The following NR5A2 variants were observed in gnomAD, a reference collection of about 807,000 sequenced individuals.
NR5A2 encodes the protein CYP7A promoter-binding factor.
Under a neutral mutation model 62.7 loss-of-function variants are expected in NR5A2, and 26 were observed. The observed-to-expected ratio is 0.41, with a 90% CI of 0.30 to 0.58. The LOEUF (loss-of-function observed/expected upper bound fraction) is 0.58. Among genes scored for constraint, NR5A2 ranks in the 20% least tolerant of loss-of-function variants. NR5A2 has a pLI of 0.22. For missense variants in NR5A2, 541 were observed against 669.1 expected (o/e 0.81, Z 2.11); for synonymous variants, 246 against 241.7 (o/e 1.02, Z -0.16).
At chr1:200,071,853 AT>A (rs1018234881) in intron 5 of NR5A2, among the ~76,000 whole-genome samples, 8 of 152,146 alleles carry the variant, frequency 5.3e-5, no homozygotes, top group African/African-American at 1.2e-4. Context: ...TATTTAGCAG[AT>A]TTTTTTTATT....
intron 5 of NR5A2, among the ~76,000 whole-genome samples, chr1:200,080,357 T>G (rs1010267256): frequency 5.3e-5 from 8 of 152,200 alleles, no homozygotes; most frequent in Non-Finnish European, 1.0e-4. Context: ...GACTTAATAT[T>G]CATGAAAATA....
chr1:200,171,841 T>C (rs1171965266), intron 7 of NR5A2, among the ~76,000 whole-genome samples: 1 of 152,236 alleles, frequency 6.6e-6, no homozygotes, highest in East Asian at 1.9e-4. Flanking sequence ...CCAAAACTTA[T>C]GATCTAGCCT....
At chr1:200,072,180 G>T (rs1427080302) in intron 5 of NR5A2, among the ~76,000 whole-genome samples, 1 of 152,008 alleles carries the variant, frequency 6.6e-6, no homozygotes, top group African/African-American at 2.4e-5. Flanking sequence ...TCTAATACTG[G>T]GAAACCCTAT....
chr1:200,147,469 T>A lies in NR5A2; in HGVS notation c.1379-26494T>A. ...CTCCTCCAGTACACGGAGAGCTCTT[T>A]GAGGCAAGGGACAATTTGATCTGTT... On this transcript the variant is annotated intron_variant, in intron 7 of 7. Transcript: ENST00000367362. This position sits in a 1 kb window ranked among gnomAD's most constrained non-coding sequence, Gnocchi z 4.9. 1.7e-6 allele frequency: 1 copy of A among 594,778 alleles called. No individual in the cohort carries two copies. Among genetic ancestry groups the A allele is most frequent in the Non-Finnish European group, 3.2e-6 (1 of 309,154 alleles). The allele number at this position is 594,778 out of a possible 1,614,324, so 36.8% of individuals were successfully genotyped here.
intron 7 of NR5A2, among the ~76,000 whole-genome samples, chr1:200,135,521 CAAAA>C (rs565158746): frequency 1.9e-5 from 2 of 103,286 alleles, no homozygotes; most frequent in Non-Finnish European, 4.2e-5. Context: ...ACTTCATCTC[CAAAA>C]AAAAAAAAAG....
At chr1:200,138,437 A>G (rs1667318932) in intron 7 of NR5A2, among the ~76,000 whole-genome samples, 3 of 152,148 alleles carry the variant, frequency 2.0e-5, no homozygotes, top group Admixed American at 6.5e-5. Context: ...CTGTTTATCA[A>G]TGTTTTTCCA....
intron 1 of NR5A2, among the ~76,000 whole-genome samples, chr1:200,036,045 A>G (rs2102138599): frequency 6.6e-6 from 1 of 152,264 alleles, no homozygotes; most frequent in Admixed American, 6.5e-5. Context: ...GTACAGTGGC[A>G]GTTGCTAAGA....
chr1:200,050,720 G>A (rs1456462106), intron 5 of NR5A2, among the ~76,000 whole-genome samples: 26 of 152,180 alleles, frequency 1.7e-4, no homozygotes, highest in Admixed American at 1.1e-3. Context: ...GAGAAACCCC[G>A]TCTCTACTAA....
intron 7 of NR5A2, among the ~76,000 whole-genome samples, chr1:200,165,428 G>A (rs149242726): frequency 2.6e-4 from 40 of 152,312 alleles, no homozygotes; most frequent in African/African-American, 9.4e-4. Flanking sequence ...TTGGACACAC[G>A]TAATGACATG....
intron 1 of NR5A2, among the ~76,000 whole-genome samples, chr1:200,031,114 G>A (rs1403536604): frequency 6.6e-6 from 1 of 152,156 alleles, no homozygotes; most frequent in East Asian, 1.9e-4. Context: ...CTAAACTCTA[G>A]AGCCTCCCTT....
intron 7 of NR5A2, among the ~76,000 whole-genome samples, chr1:200,155,431 C>A (rs530146916): frequency 1.3e-5 from 2 of 152,260 alleles, no homozygotes; most frequent in South Asian, 4.1e-4. Context: ...AAAGACAGGC[C>A]TTTCAAGAAT....
rs114844519 is a variant in NR5A2, at chr1:200,170,218, A to G, written c.1379-3745A>G. On this transcript the variant is annotated intron_variant, in intron 7 of 7. Transcript: ENST00000367362. ...TACTATCCATTACTTAATATGGAAT[A>G]GGACTTGATTTTTATTGGAGGGACA... 9.1e-3 allele frequency among the ~76,000 whole-genome samples: 1,387 copies of G among 152,296 alleles called. 32 individuals carry two copies. The highest frequency in any genetic ancestry group is 0.031 in the African/African-American group (1,268 of 41,558).
chr1:200,138,529 TCCAAGTGTATTAAGG>T (rs1463745975), intron 7 of NR5A2, among the ~76,000 whole-genome samples: 2 of 152,176 alleles, frequency 1.3e-5, no homozygotes, highest in Non-Finnish European at 2.9e-5. Flanking sequence ...TTAATTTTTT[TCCAAGTGTATTAAGG>T]CCTTGCTTTT....
intron 7 of NR5A2, among the ~76,000 whole-genome samples, chr1:200,143,572 A>C (rs1380429492): frequency 6.6e-6 from 1 of 151,196 alleles, no homozygotes; most frequent in African/African-American, 2.4e-5. Flanking sequence ...GCCACACTTT[A>C]GGCCCCAACA....
In NR5A2 at chr1:200,095,586, A is replaced by T. The variant is rs1571465412; in HGVS notation, c.1111-15616A>T. ...TTTTTTTTTTGAGATGGAGTCTCACACTCTCGCCCAGGCTGGAGTGCAGTG... is the reference window on the plus strand; with the variant it reads ...TTTTTTTTTTGAGATGGAGTCTCACTCTCTCGCCCAGGCTGGAGTGCAGTG... On this transcript the variant is annotated intron_variant, in intron 5 of 7. Coordinates refer to ENST00000367362, the MANE Select transcript of NR5A2 (RefSeq NM_205860.3). Among the ~76,000 whole-genome samples the T allele has an allele frequency of 2.6e-5, 4 of 151,336 alleles. No individual in the cohort carries two copies. In the South Asian group the frequency reaches 6.3e-4, roughly 24 times the overall value.
At chr1:200,151,292 T>C (rs1453254511) in intron 7 of NR5A2, among the ~76,000 whole-genome samples, 2 of 152,230 alleles carry the variant, frequency 1.3e-5, no homozygotes, top group Non-Finnish European at 2.9e-5. Context: ...GGGTTTCAAG[T>C]TAGCAGGAAC....
intron 6 of NR5A2, among the ~76,000 whole-genome samples, chr1:200,119,860 C>T (rs544391224): frequency 3.3e-5 from 5 of 152,192 alleles, no homozygotes; most frequent in African/African-American, 7.2e-5. Context: ...CCGCCCACCT[C>T]GGCCTCCCAA....
intron 5 of NR5A2, among the ~76,000 whole-genome samples, chr1:200,052,162 G>A (rs895280491): frequency 3.9e-5 from 6 of 152,028 alleles, no homozygotes; most frequent in African/African-American, 9.7e-5. Context: ...AGGTTTTATC[G>A]GCCATCCATT....
chr1:200,040,425 G>T (rs893572469), intron 2 of NR5A2, among the ~76,000 whole-genome samples: 3 of 152,152 alleles, frequency 2.0e-5, no homozygotes, highest in Non-Finnish European at 4.4e-5. Context: ...GGAGGACAGC[G>T]GTTCGTTTAT....
Sources: gnomAD v4.1 joint callset for allele counts (sites outside exome capture counted in the v4.1 genomes callset) on GRCh38, gnomAD v4.1.1 for gene constraint, Gnocchi (gnomAD v3.1) non-coding constraint, MANE v1.5 for transcripts, NCBI Gene and HGNC (gene_info 2026-07-23, HGNC 2026-07-21) for gene names.